PTPN4: variants seen among roughly 807,000 people sequenced by gnomAD.
The protein encoded by PTPN4 is protein tyrosine phosphatase non-receptor type 4.
Under a neutral mutation model 135.5 loss-of-function variants are expected in PTPN4, and 49 were observed. The ratio of observed to expected loss-of-function variants is 0.36; its 90% confidence interval spans 0.29 to 0.46. The LOEUF is 0.46. Among genes scored for constraint, PTPN4 ranks in the 20% least tolerant of loss-of-function variants. PTPN4 has a pLI of 1.00. For missense variants in PTPN4, 860 were observed against 1,101.0 expected, an observed-to-expected ratio of 0.78 and a Z score of 3.10; for synonymous variants, 333 against 369.9, an observed-to-expected ratio of 0.90 and a Z score of 1.14.
At chr2:119,764,751 A>T (rs1277006926) in intron 1 of PTPN4, among the ~76,000 whole-genome samples, 1 of 151,986 alleles carries the variant, frequency 6.6e-6, no homozygotes, top group African/African-American at 2.4e-5. Flanking sequence ...AATTTAGTTC[A>T]TTTTTCAACA....
rs892305694 is a variant in PTPN4 at position 119,980,585 on chromosome 2, A to G, written c.*3515A>G. 4 of 151,938 alleles carry G rather than the reference A, an allele frequency of 2.6e-5. No individual in the cohort carries two copies. Among genetic ancestry groups the G allele is most frequent in the Non-Finnish European group, 4.4e-5 (3 of 67,926 alleles). 9.4% of individuals were successfully genotyped at this position (151,938 alleles called of 1,614,324 possible). A position where few individuals can be genotyped will look rare whatever the true frequency, so the allele number is the denominator to read the frequency against. ...CCTATATTATACTGGAACTTCAATA[A>G]ATTATAACCTATGTGAATATCATAA... On this transcript the variant is annotated 3_prime_UTR_variant, in exon 27 of 27. Coordinates refer to ENST00000263708, the MANE Select transcript of PTPN4 (RefSeq NM_002830.4).
At chr2:119,834,642 G>A (rs759162804) in intron 2 of PTPN4, among the ~76,000 whole-genome samples, 2 of 152,060 alleles carry the variant, frequency 1.3e-5, no homozygotes, top group Non-Finnish European at 1.5e-5. Context: ...GTTAAAAACT[G>A]TGTCTTTGAA....
At chr2:119,786,119 C>T (rs1691043603) in intron 1 of PTPN4, among the ~76,000 whole-genome samples, 1 of 152,170 alleles carries the variant, frequency 6.6e-6, no homozygotes, top group African/African-American at 2.4e-5. Context: ...TGCTACTCAA[C>T]AGATTGTCTA....
intron 2 of PTPN4, among the ~76,000 whole-genome samples, chr2:119,855,734 T>C (rs1039194039): frequency 3.3e-5 from 5 of 152,286 alleles, no homozygotes; most frequent in Admixed American, 2.0e-4. Flanking sequence ...GCTGCTACTA[T>C]GAGCAAGCAT....
chr2:119,807,505 C>G (rs1177354065), intron 1 of PTPN4, among the ~76,000 whole-genome samples: 3 of 152,274 alleles, frequency 2.0e-5, no homozygotes, highest in Admixed American at 6.5e-5. Flanking sequence ...GGCACATACA[C>G]CCTCCCAAGA....
chr2:119,822,900 A>G (rs537471453), intron 2 of PTPN4, among the ~76,000 whole-genome samples: 3 of 152,292 alleles, frequency 2.0e-5, no homozygotes, highest in Admixed American at 2.0e-4. Flanking sequence ...TTGCCATGAC[A>G]TTTGAAGTCA....
Position 119,974,316 on chromosome 2 carries a change from A to G in PTPN4, c.2695-2668A>G, listed in dbSNP as rs578003747. ...AACCTCCGCCTCCCAGGTTCAAGCAATTCTCCTGCCTCGGCCTCCCAAGTA... is the reference window on the plus strand; with the variant it reads ...AACCTCCGCCTCCCAGGTTCAAGCAGTTCTCCTGCCTCGGCCTCCCAAGTA... On this transcript the variant is annotated intron_variant, in intron 26 of 26. Coordinates refer to ENST00000263708, the MANE Select transcript of PTPN4 (RefSeq NM_002830.4). Among the ~76,000 whole-genome samples, 10 of 152,214 alleles carry G rather than the reference A, an allele frequency of 6.6e-5. 2 individuals carry two copies. The South Asian group carries it at 1.9e-3, about 28-fold the overall frequency.
At chr2:119,844,817 C>T (rs1000199747) in intron 2 of PTPN4, among the ~76,000 whole-genome samples, 4 of 145,200 alleles carry the variant, frequency 2.8e-5, no homozygotes, top group African/African-American at 5.3e-5. Context: ...GATGGGCGGC[C>T]AGGCAGAGAC....
At position 119,811,576 on chromosome 2, in the gene PTPN4, C is replaced by T. The variant is rs548918215; in HGVS notation, c.138+1585C>T. On this transcript the variant is annotated intron_variant, in intron 2 of 26. Coordinates refer to ENST00000263708, the MANE Select transcript of PTPN4 (RefSeq NM_002830.4). ...CAAATTTCTATTTAATAGAAACTCT[C>T]ATGTATTAGACAGTTGATGTAAGAA... Among the ~76,000 whole-genome samples, 40 of 152,194 alleles carry T rather than the reference C, an allele frequency of 2.6e-4. No homozygotes were observed. The East Asian group carries it at 6.6e-3, about 25-fold the overall frequency.
chr2:119,957,285 ATAGACT>A (rs1166318182), intron 22 of PTPN4, among the ~76,000 whole-genome samples: 1 of 152,208 alleles, frequency 6.6e-6, no homozygotes, highest in Non-Finnish European at 1.5e-5. Flanking sequence ...CAGTTCATAA[ATAGACT>A]TAGATACTAG....
intron 1 of PTPN4, among the ~76,000 whole-genome samples, chr2:119,795,548 C>T (rs1018907963): frequency 3.3e-5 from 5 of 152,234 alleles, no homozygotes; most frequent in East Asian, 1.9e-4. Flanking sequence ...TGACAGCACC[C>T]GGGCTTGGCC....
At chr2:119,837,285 A>G (rs1677309180) in intron 2 of PTPN4, among the ~76,000 whole-genome samples, 1 of 151,908 alleles carries the variant, frequency 6.6e-6, no homozygotes, top group Admixed American at 6.5e-5. Flanking sequence ...CGACTCTTCG[A>G]GGCAATCTGT....
chr2:119,810,048 A>G, intron 2 of PTPN4, 57 bp downstream of exon 2: 1 of 1,507,672 alleles, frequency 6.6e-7, no homozygotes, highest in Non-Finnish European at 9.0e-7. Context: ...GAATTTAGAC[A>G]TATATGTAAA....
intron 18 of PTPN4, among the ~76,000 whole-genome samples, chr2:119,949,016 G>A (rs1411284557): frequency 2.6e-5 from 4 of 151,862 alleles, no homozygotes; most frequent in Admixed American, 1.3e-4. Flanking sequence ...TGACTCACAC[G>A]CATAAAAAAA....
At chr2:119,973,838 C>G (rs560509279) in intron 26 of PTPN4, among the ~76,000 whole-genome samples, 6 of 151,808 alleles carry the variant, frequency 4.0e-5, no homozygotes, top group Non-Finnish European at 8.8e-5. Flanking sequence ...TTTCTTCAAA[C>G]GCACATAATG....
At chr2:119,905,607 C>T (rs1211491655) in intron 10 of PTPN4, among the ~76,000 whole-genome samples, 1 of 152,062 alleles carries the variant, frequency 6.6e-6, no homozygotes, top group Non-Finnish European at 1.5e-5. Flanking sequence ...CACGGTAGAC[C>T]AAAGGAACCT....
intron 2 of PTPN4, 142 bp downstream of exon 2, chr2:119,810,133 T>G (rs1401508639): frequency 6.3e-6 from 6 of 945,042 alleles, no homozygotes; most frequent in Non-Finnish European, 9.0e-6. Context: ...CAGGATTGTA[T>G]TAGATGCATG....
At chr2:119,869,070 G>A (rs138664833) in intron 3 of PTPN4, among the ~76,000 whole-genome samples, 33 of 152,210 alleles carry the variant, frequency 2.2e-4, no homozygotes, top group African/African-American at 7.5e-4. Flanking sequence ...ATTCATAATA[G>A]CCCAAATGTG....
intron 1 of PTPN4, among the ~76,000 whole-genome samples, chr2:119,774,447 C>T (rs1049453900): frequency 6.6e-6 from 1 of 152,172 alleles, no homozygotes; most frequent in Non-Finnish European, 1.5e-5. Flanking sequence ...AAAAATCTTG[C>T]ACTTTTTGTG....
Sources: gnomAD v4.1 joint callset for allele counts (sites outside exome capture counted in the v4.1 genomes callset) on GRCh38, gnomAD v4.1.1 for gene constraint, MANE v1.5 for transcripts, NCBI Gene and HGNC (gene_info 2026-07-23, HGNC 2026-07-21) for gene names.